The following DLGAP2 variants were observed in gnomAD, a reference collection of about 807,000 sequenced individuals.
DLGAP2 encodes DLG associated protein 2.
A neutral mutation model predicts 100.3 loss-of-function variants in DLGAP2; 26 were observed. The ratio of observed to expected loss-of-function variants is 0.26; its 90% CI spans 0.19 to 0.36. The LOEUF (loss-of-function observed/expected upper bound fraction) is 0.36. Among genes scored for constraint, DLGAP2 ranks in the 10% least tolerant of loss-of-function variants. DLGAP2 has a pLI of 1.00. For synonymous variants in DLGAP2, 886 were observed against 630.1 expected, an observed-to-expected ratio of 1.41 and a Z score of -6.08; for missense variants, 1,858 against 1,453.2, an observed-to-expected ratio of 1.28 and a Z score of -4.53.
chr8:1,030,831 G>C (rs923247252), intron 2 of DLGAP2, among the ~76,000 whole-genome samples: 2 of 152,244 alleles, frequency 1.3e-5, no homozygotes, highest in South Asian at 4.1e-4. Flanking sequence ...GCGGGGCCGC[G>C]GGCGGGACCT....
At chr8:846,038 G>A (rs559835165) in intron 1 of DLGAP2, among the ~76,000 whole-genome samples, 4 of 152,218 alleles carry the variant, frequency 2.6e-5, no homozygotes, top group Non-Finnish European at 4.4e-5. Context: ...CACTTACGGA[G>A]TACAATGTGA....
chr8:1,707,356 C>G lies in DLGAP2; in HGVS notation c.*5950C>G, dbSNP rs183719411. 6.6e-6 allele frequency: 1 copy of G among 152,168 alleles called. No individual in the cohort carries two copies. The highest frequency in any genetic ancestry group is 2.1e-4 in the South Asian group (1 of 4,830). 9.4% of individuals were successfully genotyped at this position (152,168 alleles called of 1,614,324 possible). A position where few individuals can be genotyped will look rare whatever the true frequency, so the allele number is the denominator to read the frequency against. ...TTGTGTCTGCCAGTACGACAAAGGA[C>G]GCTCCCAGCTTGATCGTGGTACCTT... On this transcript the variant is annotated 3_prime_UTR_variant, in exon 15 of 15. Coordinates refer to ENST00000637795, the MANE Select transcript of DLGAP2 (RefSeq NM_001346810.2).
At chr8:1,129,394 T>TC (rs1273613105) in intron 2 of DLGAP2, among the ~76,000 whole-genome samples, 1 of 132,778 alleles carries the variant, frequency 7.5e-6, no homozygotes, top group Non-Finnish European at 1.6e-5. Context: ...AGAGTGAGAC[T>TC]CCATCTCAAA....
intron 2 of DLGAP2, among the ~76,000 whole-genome samples, chr8:1,022,892 A>G (rs1281764742): frequency 1.3e-5 from 2 of 152,196 alleles, no homozygotes; most frequent in Non-Finnish European, 2.9e-5. Flanking sequence ...TTGTCTTTGC[A>G]CTGAAATTGG....
intron 2 of DLGAP2, among the ~76,000 whole-genome samples, chr8:1,226,951 C>T (rs1014935368): frequency 2.0e-5 from 3 of 151,518 alleles, no homozygotes; most frequent in Admixed American, 6.6e-5. Flanking sequence ...ACAGTATCGA[C>T]GTTCCTAAGG....
intron 1 of DLGAP2, among the ~76,000 whole-genome samples, chr8:767,636 C>T (rs113342560): frequency 2.0e-5 from 3 of 152,126 alleles, no homozygotes; most frequent in Admixed American, 6.5e-5. Context: ...ATTACAGGTA[C>T]GAGCCACCAC....
intron 2 of DLGAP2, among the ~76,000 whole-genome samples, chr8:1,074,422 G>A (rs1803538542): frequency 6.6e-6 from 1 of 152,214 alleles, no homozygotes; most frequent in Non-Finnish European, 1.5e-5. Context: ...TTCACATCAT[G>A]CTCAGTCTCT....
chr8:1,460,702 G>A (rs1392175582), intron 3 of DLGAP2, among the ~76,000 whole-genome samples: 1 of 152,204 alleles, frequency 6.6e-6, no homozygotes, highest in Non-Finnish European at 1.5e-5. Flanking sequence ...ACTTTAAAGA[G>A]ATAACTCATA....
At chr8:1,311,027 C>A (rs753099836) in intron 3 of DLGAP2, among the ~76,000 whole-genome samples, 1 of 151,254 alleles carries the variant, frequency 6.6e-6, no homozygotes, top group Non-Finnish European at 1.5e-5. Context: ...TATTGGCAAA[C>A]CTTGAATGAC....
chr8:1,304,486 CAGG>C (rs1448765567), intron 3 of DLGAP2, among the ~76,000 whole-genome samples: 1 of 152,164 alleles, frequency 6.6e-6, no homozygotes, highest in South Asian at 2.1e-4. Flanking sequence ...TCAGCAAAAG[CAGG>C]AGATGTAAGG....
At chr8:974,204 A>G (rs1563122722) in intron 2 of DLGAP2, among the ~76,000 whole-genome samples, 1 of 152,238 alleles carries the variant, frequency 6.6e-6, no homozygotes, top group Non-Finnish European at 1.5e-5. Flanking sequence ...AAAATCCACA[A>G]CTAAGCATTT....
chr8:1,235,422 C>G (rs958354061), intron 2 of DLGAP2, among the ~76,000 whole-genome samples: 2 of 151,768 alleles, frequency 1.3e-5, no homozygotes, highest in Admixed American at 6.6e-5. Flanking sequence ...GGCATCGTGT[C>G]TAGTTCCCTC....
chr8:1,425,136 C>G (rs1797203713), intron 3 of DLGAP2, among the ~76,000 whole-genome samples: 1 of 152,158 alleles, frequency 6.6e-6, no homozygotes, highest in South Asian at 2.1e-4. Context: ...TATTTCAGCA[C>G]TGGGTGATAT....
chr8:1,304,264 G>A (rs932194349), intron 3 of DLGAP2, among the ~76,000 whole-genome samples: 6 of 152,238 alleles, frequency 3.9e-5, no homozygotes, highest in African/African-American at 1.4e-4. Flanking sequence ...TGGAGACACA[G>A]GACACCGGCC....
chr8:1,526,824 C>T (rs971431647), intron 4 of DLGAP2, among the ~76,000 whole-genome samples: 1 of 152,162 alleles, frequency 6.6e-6, no homozygotes, highest in African/African-American at 2.4e-5. Context: ...ACGTGACTTC[C>T]ATTTACCTCT....
intron 8 of DLGAP2, among the ~76,000 whole-genome samples, chr8:1,637,888 G>A (rs778174955): frequency 5.3e-5 from 8 of 152,212 alleles, no homozygotes; most frequent in Admixed American, 2.0e-4. Flanking sequence ...CTGCAGCAGC[G>A]TCCGGGAGGC....
At chr8:1,079,280 A>C (rs1198536097) in intron 2 of DLGAP2, among the ~76,000 whole-genome samples, 1 of 152,204 alleles carries the variant, frequency 6.6e-6, no homozygotes, top group Non-Finnish European at 1.5e-5. Flanking sequence ...AGTTATTCAT[A>C]TATTTTGAAT....
chr8:1,684,458 AG>A (rs1382544840), intron 12 of DLGAP2, among the ~76,000 whole-genome samples: 1 of 152,134 alleles, frequency 6.6e-6, no homozygotes, highest in Non-Finnish European at 1.5e-5. Flanking sequence ...TTTAAAATAA[AG>A]ATTAAATTAA....
chr8:1,428,367 T>G (rs556327724), intron 3 of DLGAP2, among the ~76,000 whole-genome samples: 66 of 152,286 alleles, frequency 4.3e-4, no homozygotes, highest in African/African-American at 1.5e-3. Flanking sequence ...ATAAACTTAC[T>G]ACCAGTAAAT....
Sources: allele counts gnomAD v4.1 joint callset (sites outside exome capture counted in the v4.1 genomes callset), GRCh38; gene constraint gnomAD v4.1.1; transcripts MANE v1.5; gene names NCBI Gene and HGNC (gene_info 2026-07-23, HGNC 2026-07-21).